Variants in ORC5 observed in about 807,000 individuals in gnomAD.
The protein encoded by ORC5 is origin recognition complex subunit 5, also known as protein phosphatase 1, regulatory subunit 117.
A neutral mutation model predicts 58.8 loss-of-function variants in ORC5; 39 were observed. The observed-to-expected ratio is 0.66, with a 90% CI of 0.51 to 0.87. ORC5 has a LOEUF of 0.87. ORC5 is among the 40% of genes least tolerant of loss of function. The pLI is 0.00. For synonymous variants in ORC5, 218 were observed against 177.6 expected (o/e 1.23, Z -1.81); for missense variants, 493 against 506.3 (o/e 0.97, Z 0.25).
rs1799766232 is a variant in ORC5 at position 104,195,019 on chromosome 7, T to C, written c.553+124A>G. 5.4e-6 allele frequency: 3 copies of C among 558,966 alleles called. No individual in the cohort carries two copies. The East Asian group carries it at 1.0e-4, about 19-fold the overall frequency. The allele number at this position is 558,966 out of a possible 1,614,324, so 34.6% of individuals were successfully genotyped here. A position where few individuals can be genotyped will look rare whatever the true frequency, so the allele number is the denominator to read the frequency against. On this transcript the variant is annotated intron_variant, in intron 5 of 13. Coordinates refer to ENST00000297431, the MANE Select transcript of ORC5 (RefSeq NM_002553.4). ...TCCCATTTGAATATCAAATTTATAATTCCCATTTGAATATCAAATGGGAAT... is the reference window on the plus strand; with the variant it reads ...TCCCATTTGAATATCAAATTTATAACTCCCATTTGAATATCAAATGGGAAT...
chr7:104,172,888 A>G (rs578030735), intron 8 of ORC5, among the ~76,000 whole-genome samples: 2 of 152,134 alleles, frequency 1.3e-5, no homozygotes, highest in South Asian at 2.1e-4. Flanking sequence ...AACGGTTCAT[A>G]TATTTATTTT....
chr7:104,175,232 T>C (rs975048685), intron 8 of ORC5, among the ~76,000 whole-genome samples: 4 of 152,136 alleles, frequency 2.6e-5, no homozygotes, highest in East Asian at 1.9e-4. Flanking sequence ...CAAGGAAAAT[T>C]TGGAGCACAA....
At chr7:104,139,238 A>C (rs1326372161) in intron 12 of ORC5, among the ~76,000 whole-genome samples, 1 of 152,238 alleles carries the variant, frequency 6.6e-6, no homozygotes, top group African/African-American at 2.4e-5. Context: ...CATCCCATGA[A>C]TAATAAAAAC....
intron 12 of ORC5, among the ~76,000 whole-genome samples, chr7:104,157,199 T>C (rs12705177): frequency 0.58 from 87,296 of 151,630 alleles, 29,015 homozygotes; most frequent in Non-Finnish European, 0.76. Flanking sequence ...GATGAGATTC[T>C]TGCCACATTT....
chr7:104,176,355 C>T (rs920639887), intron 8 of ORC5, among the ~76,000 whole-genome samples: 1 of 152,064 alleles, frequency 6.6e-6, no homozygotes, highest in Non-Finnish European at 1.5e-5. Context: ...ACAGGGAAAG[C>T]CTGGTTGCAT....
At chr7:104,135,994 A>T (rs1798582080) in intron 13 of ORC5, among the ~76,000 whole-genome samples, 2 of 152,176 alleles carry the variant, frequency 1.3e-5, no homozygotes, top group South Asian at 4.1e-4. Context: ...TCACTTATTC[A>T]TATAAATGGT....
chr7:104,204,325 G>A (rs1800021691), intron 1 of ORC5, 91 bp from the exon 2 acceptor site: 2 of 749,038 alleles, frequency 2.7e-6, no homozygotes, highest in Non-Finnish European at 4.5e-6. Flanking sequence ...GTGGAAAAGT[G>A]AAATATTCAA....
chr7:104,189,969 G>A (rs1799637493), intron 5 of ORC5, among the ~76,000 whole-genome samples: 1 of 152,120 alleles, frequency 6.6e-6, no homozygotes, highest in Non-Finnish European at 1.5e-5. Context: ...AACTTGTGAG[G>A]TCTGCACTAA....
intron 5 of ORC5, among the ~76,000 whole-genome samples, chr7:104,193,200 T>A (rs532243409): frequency 1.1e-3 from 162 of 152,158 alleles, no homozygotes; most frequent in African/African-American, 3.7e-3. Context: ...AAAGCCAAAA[T>A]AATAATATTT....
intron 12 of ORC5, among the ~76,000 whole-genome samples, chr7:104,149,298 T>C (rs1051357046): frequency 6.6e-6 from 1 of 152,178 alleles, no homozygotes; most frequent in Non-Finnish European, 1.5e-5. Context: ...AATATAAAAA[T>C]TGTGGGAAAA....
At chr7:104,139,334 G>A (rs1248771513) in intron 12 of ORC5, among the ~76,000 whole-genome samples, 1 of 152,072 alleles carries the variant, frequency 6.6e-6, no homozygotes, top group Non-Finnish European at 1.5e-5. Flanking sequence ...TGTCCACAAG[G>A]TGGACATTAT....
chr7:104,177,304 T>C (rs1429783202), intron 8 of ORC5, among the ~76,000 whole-genome samples: 2 of 152,176 alleles, frequency 1.3e-5, no homozygotes, highest in Non-Finnish European at 2.9e-5. Flanking sequence ...TAAACATAAG[T>C]TTGTTCTTGG....
At chr7:104,132,353 T>G (rs1369753096) in intron 13 of ORC5, among the ~76,000 whole-genome samples, 1 of 152,198 alleles carries the variant, frequency 6.6e-6, no homozygotes, top group Non-Finnish European at 1.5e-5. Flanking sequence ...TTTCAATAAC[T>G]CTATAAAAAT....
intron 5 of ORC5, 59 bp from the exon 6 acceptor site, chr7:104,188,440 C>A: frequency 7.5e-7 from 1 of 1,326,526 alleles, no homozygotes; most frequent in Non-Finnish European, 1.0e-6. Flanking sequence ...ATCATATCTT[C>A]AAGCATTTTA....
chr7:104,151,404 T>C (rs535385160), intron 12 of ORC5, among the ~76,000 whole-genome samples: 5 of 152,236 alleles, frequency 3.3e-5, no homozygotes, highest in Admixed American at 6.5e-5. Flanking sequence ...TTAAGAGACA[T>C]TTGTATTTAG....
chr7:104,168,625 TAACAA>T, intron 8 of ORC5, 100 bp from the exon 9 acceptor site: 1 of 581,992 alleles, frequency 1.7e-6, no homozygotes. Flanking sequence ...TTTTATTTAT[TAACAA>T]AACAGAAAAG....
intron 12 of ORC5, among the ~76,000 whole-genome samples, chr7:104,158,595 T>C (rs1259654316): frequency 6.6e-6 from 1 of 151,736 alleles, no homozygotes; most frequent in East Asian, 1.9e-4. Context: ...AGGGCTAATA[T>C]CCAGAATCTA....
Position 104,192,103 on chromosome 7 carries a change from T to TTTC in ORC5, c.553+3037_553+3039dup, listed in dbSNP as rs530051985. Among the ~76,000 whole-genome samples, 16 of 152,216 alleles carry TTTC rather than the reference T, an allele frequency of 1.1e-4. No individual in the cohort carries two copies. In the South Asian group the frequency reaches 3.1e-3, roughly 30 times the overall value. ...TTTTAAGACTGTGGTACAAGGAGAC[T>TTTC]TTCAAAAGGAGCTCATTTATCCTAC... On this transcript the variant is annotated intron_variant, in intron 5 of 13. Coordinates refer to ENST00000297431, the MANE Select transcript of ORC5 (RefSeq NM_002553.4).
chr7:104,143,278 A>C (rs778518676), intron 12 of ORC5, among the ~76,000 whole-genome samples: 2 of 152,178 alleles, frequency 1.3e-5, no homozygotes, highest in Non-Finnish European at 2.9e-5. Context: ...TAGATTCTTT[A>C]ATCGAAATTG....
Sources: allele counts gnomAD v4.1 joint callset (sites outside exome capture counted in the v4.1 genomes callset), GRCh38; gene constraint gnomAD v4.1.1; transcripts MANE v1.5; gene names NCBI Gene and HGNC (gene_info 2026-07-23, HGNC 2026-07-21).